The following ECHDC3 variants were observed in gnomAD, a reference collection of about 807,000 sequenced individuals.
The protein encoded by ECHDC3 is enoyl-CoA hydratase domain-containing protein 3, mitochondrial.
A neutral mutation model predicts 17.9 loss-of-function variants in ECHDC3; 20 were observed. The ratio of observed to expected loss-of-function variants is 1.12; its 90% confidence interval spans 0.79 to 1.63. ECHDC3 has a LOEUF of 1.63. Among genes scored for constraint, ECHDC3 ranks in the 40% most tolerant of loss-of-function variants. ECHDC3 has a pLI of 0.00. For missense variants in ECHDC3, 407 were observed against 357.7 expected, an observed-to-expected ratio of 1.14 and a Z score of -1.11; for synonymous variants, 177 against 149.7, an observed-to-expected ratio of 1.18 and a Z score of -1.33.
chr10:11,760,538 G>A (rs1004538019), intron 4 of ECHDC3, among the ~76,000 whole-genome samples: 3 of 152,240 alleles, frequency 2.0e-5, no homozygotes, highest in African/African-American at 7.2e-5. Flanking sequence ...TCTAGGACTT[G>A]ATCATTGCAA....
chr10:11,755,623 C>A lies in ECHDC3; in HGVS notation c.591+15C>A. The A allele has an allele frequency of 6.3e-7, 1 of 1,597,628 alleles. No homozygotes were observed. Among genetic ancestry groups the A allele is most frequent in the South Asian group, 1.1e-5 (1 of 89,134 alleles). ...TGCCTAGAAAGGTAATTTAACTCCCCCCACCCACCTCTGCCTCCCAGCCTT... is the reference window on the plus strand; with the variant it reads ...TGCCTAGAAAGGTAATTTAACTCCCACCACCCACCTCTGCCTCCCAGCCTT... On this transcript the variant is annotated intron_variant, in intron 4 of 4. Coordinates refer to ENST00000379215, the MANE Select transcript of ECHDC3 (RefSeq NM_024693.5).
intron 4 of ECHDC3, among the ~76,000 whole-genome samples, chr10:11,760,372 T>C (rs916284193): frequency 1.3e-5 from 2 of 152,208 alleles, no homozygotes; most frequent in Non-Finnish European, 2.9e-5. Flanking sequence ...TCCGTGCAGT[T>C]CTGCAGCTAC....
At chr10:11,742,805 C>G in intron 1 of ECHDC3, 59 bp downstream of exon 1, 1 of 1,222,084 alleles carries the variant, frequency 8.2e-7, no homozygotes, top group Non-Finnish European at 1.0e-6. Flanking sequence ...CAGGGCGCCG[C>G]CATTGACCCG....
intron 1 of ECHDC3, chr10:11,742,998 CGGAGAGGCCTGG>C (rs1304653353): frequency 2.9e-6 from 1 of 345,676 alleles, no homozygotes; most frequent in African/African-American, 2.1e-5. Flanking sequence ...GCTGGGCCTG[CGGAGAGGCCTGG>C]AGAGGAGGGC....
chr10:11,748,169 G>C (rs1387035049), intron 2 of ECHDC3, among the ~76,000 whole-genome samples: 2 of 152,082 alleles, frequency 1.3e-5, no homozygotes, highest in Non-Finnish European at 2.9e-5. Context: ...ATTAGAACTA[G>C]TACAGTCCAG....
chr10:11,742,438 G>T lies in ECHDC3; in HGVS notation c.-139G>T. ...CCCGCGAAGCCTGGGCCTGTCAGGC[G>T]GTTCCGTCCGGGTCTCGGCCACCGT... On this transcript the variant is annotated 5_prime_UTR_variant, in exon 1 of 5. Coordinates refer to ENST00000379215, the MANE Select transcript of ECHDC3 (RefSeq NM_024693.5). The T allele has an allele frequency of 1.2e-6, 1 of 843,058 alleles. No individual in the cohort carries two copies. The highest frequency in any genetic ancestry group is 1.6e-6 in the Non-Finnish European group (1 of 640,764). The allele number at this position is 843,058 out of a possible 1,614,324, so 52.2% of individuals were successfully genotyped here. A position where few individuals can be genotyped will look rare whatever the true frequency, so the allele number is the denominator to read the frequency against.
Position 11,763,674 on chromosome 10 carries a change from A to G in ECHDC3, c.*130A>G, listed in dbSNP as rs1832980610. On this transcript the variant is annotated 3_prime_UTR_variant, in exon 5 of 5. Transcript: ENST00000379215. The surrounding 1 kb of genome is among the most constrained non-coding windows in gnomAD (Gnocchi z 4.9). ...CGTGACTTGATATTGGTGTCATAGCATTTGGCCTACATTAAAAGCCACAAT... is the reference window on the plus strand; with the variant it reads ...CGTGACTTGATATTGGTGTCATAGCGTTTGGCCTACATTAAAAGCCACAAT... The G allele has an allele frequency of 7.0e-7, 1 of 1,429,846 alleles. No homozygotes were observed. Among genetic ancestry groups the G allele is most frequent in the Non-Finnish European group, 9.1e-7 (1 of 1,096,374 alleles). 88.6% of individuals were successfully genotyped at this position (1,429,846 alleles called of 1,614,324 possible).
In ECHDC3 at chr10:11,763,072, C is replaced by T. The variant is rs994117607; in HGVS notation, c.592-152C>T. 1 of 600,780 alleles carries T rather than the reference C, an allele frequency of 1.7e-6. No homozygotes were observed. The highest frequency in any genetic ancestry group is 3.0e-6 in the Non-Finnish European group (1 of 335,796). The allele number at this position is 600,780 out of a possible 1,614,324, so 37.2% of individuals were successfully genotyped here. On this transcript the variant is annotated intron_variant, in intron 4 of 4. Transcript: ENST00000379215. The surrounding 1 kb of genome is among the most constrained non-coding windows in gnomAD (Gnocchi z 4.9). ...TTCTTCGCTCTTGGAAAGATCCGCT[C>T]TCCTCCCGGGCAGGAGTTAGGGCAC...
chr10:11,759,198 A>T (rs558703636), intron 4 of ECHDC3, among the ~76,000 whole-genome samples: 7 of 152,238 alleles, frequency 4.6e-5, no homozygotes, highest in African/African-American at 1.7e-4. Flanking sequence ...TACTAAAAAT[A>T]CAAAAATTAG....
Position 11,749,610 on chromosome 10 carries a change from T to C in ECHDC3, c.390+18T>C, listed in dbSNP as rs537057464. On this transcript the variant is annotated intron_variant, in intron 3 of 4. Transcript: ENST00000379215. ...GTTCCAAGGTAAGCCAAGACGACAG[T>C]CGACAGTGCAAACCTGCAAATGATC... 3 of 1,612,062 alleles carry C rather than the reference T, an allele frequency of 1.9e-6. No homozygotes were observed. In the African/African-American group the frequency reaches 4.0e-5, roughly 22 times the overall value.
In ECHDC3 at chr10:11,749,524, G is replaced by T. The variant is rs201207580; in HGVS notation, c.322G>T (p.Asp108Tyr). The change falls in exon 3 of 5, where the codon GAC becomes TAC. Residue 108 changes from aspartate (D) to tyrosine (Y), a missense_variant. By Grantham distance (160) the Asp-to-Tyr change is radical. Transcript: ENST00000379215. ...AEGPVFSSGHDLKELTEEQGR... is the reference protein window; with the variant it reads ...AEGPVFSSGHYLKELTEEQGR... Reference sequence around the variant, plus strand: ...GGGGCCTGTGTTTTCTTCTGGGCATGACTTAAAGGAGCTGACAGAGGAGCA... The same window carrying T: ...GGGGCCTGTGTTTTCTTCTGGGCATTACTTAAAGGAGCTGACAGAGGAGCA... 6.2e-7 allele frequency: 1 copy of T among 1,614,146 alleles called. No individual in the cohort carries two copies.
Position 11,745,261 on chromosome 10 carries a change from C to G in ECHDC3, c.171-2088C>G, listed in dbSNP as rs1280101913. ...AGCTAACAGGACACATGAACAGATT[C>G]CGCGGCGCACAATGGCCTCGGGGGC... On this transcript the variant is annotated intron_variant, in intron 1 of 4. Coordinates refer to ENST00000379215, the MANE Select transcript of ECHDC3 (RefSeq NM_024693.5). Among the ~76,000 whole-genome samples the G allele has an allele frequency of 2.0e-5, 3 of 152,260 alleles. No homozygotes were observed. The East Asian group carries it at 5.8e-4, about 29-fold the overall frequency.
chr10:11,756,097 G>C (rs1401321678), intron 4 of ECHDC3, among the ~76,000 whole-genome samples: 1 of 152,194 alleles, frequency 6.6e-6, no homozygotes, highest in East Asian at 1.9e-4. Context: ...ATTTAGAATA[G>C]GTGATTTCTG....
intron 1 of ECHDC3, among the ~76,000 whole-genome samples, chr10:11,745,441 A>G (rs935912983): frequency 2.6e-5 from 4 of 152,236 alleles, no homozygotes; most frequent in Admixed American, 6.5e-5. Flanking sequence ...CCCACCAAAT[A>G]TAAGTTTTGA....
chr10:11,743,844 G>T (rs1203251546), intron 1 of ECHDC3, among the ~76,000 whole-genome samples: 1 of 152,230 alleles, frequency 6.6e-6, no homozygotes, highest in African/African-American at 2.4e-5. Flanking sequence ...TCTGGGCATG[G>T]CGGCCAGATG....
At chr10:11,762,773 C>T (rs1199809900) in intron 4 of ECHDC3, among the ~76,000 whole-genome samples, 1 of 152,172 alleles carries the variant, frequency 6.6e-6, no homozygotes, top group Non-Finnish European at 1.5e-5. Context: ...GCTGGGTCTG[C>T]TCTTTCCAGT....
chr10:11,756,203 G>T (rs1037321059), intron 4 of ECHDC3, among the ~76,000 whole-genome samples: 7 of 152,174 alleles, frequency 4.6e-5, no homozygotes, highest in Admixed American at 4.6e-4. Context: ...GTTGCAAAGT[G>T]GTTTTGTTAA....
chr10:11,757,238 A>C (rs1227760251), intron 4 of ECHDC3, among the ~76,000 whole-genome samples: 1 of 152,228 alleles, frequency 6.6e-6, no homozygotes, highest in African/African-American at 2.4e-5. Context: ...CCTTGAAGTC[A>C]GCCCTACTGT....
chr10:11,747,443 A>G lies in ECHDC3; in HGVS notation c.265A>G (p.Asn89Asp), dbSNP rs201095764. ...TGACATTCTTCATGACGCTGACAGC[A>G]ACGATCTGAAAGTCATTATCATCTC... ...QSDILHDADS[N>D]DLKVIIISAE... The change falls in exon 2 of 5, where the codon AAC becomes GAC. Residue 89 changes from asparagine (N) to aspartate (D), a missense_variant. By Grantham distance (23) the Asn-to-Asp change is conservative. Transcript: ENST00000379215. The G allele has an allele frequency of 5.0e-6, 8 of 1,613,934 alleles. No individual in the cohort carries two copies. Among genetic ancestry groups the G allele is most frequent in the Non-Finnish European group, 6.8e-6 (8 of 1,180,014 alleles).
Sources: allele counts gnomAD v4.1 joint callset (sites outside exome capture counted in the v4.1 genomes callset), GRCh38; gene constraint gnomAD v4.1.1; non-coding constraint Gnocchi (gnomAD v3.1); transcripts MANE v1.5; gene names NCBI Gene and HGNC (gene_info 2026-07-23, HGNC 2026-07-21).